Variants in SHE observed in about 807,000 individuals in gnomAD.
SHE encodes the protein Src homology 2 domain containing E, also known as SH2 domain-containing adapter protein E.
In SHE, 11 loss-of-function variants were observed where a neutral mutation model predicts 49.8. The observed-to-expected ratio is 0.22, with a 90% CI of 0.14 to 0.37. The LOEUF (loss-of-function observed/expected upper bound fraction) is 0.37. Ranked by LOEUF, SHE falls within the 10% of genes least tolerant of loss-of-function variation. The probability of loss-of-function intolerance (pLI) is 1.00; values close to 1 mark genes in which losing one functional copy is unlikely to be tolerated. For missense variants in SHE, 624 were observed against 655.5 expected, an observed-to-expected ratio of 0.95 and a Z score of 0.52; for synonymous variants, 310 against 278.1, an observed-to-expected ratio of 1.11 and a Z score of -1.14.
Position 154,482,235 on chromosome 1 carries a change from A to G in SHE, c.*1914T>C, listed in dbSNP as rs1042394581. 8 of 777,612 alleles carry G rather than the reference A, an allele frequency of 1.0e-5. No individual in the cohort carries two copies. Among genetic ancestry groups the G allele is most frequent in the Non-Finnish European group, 1.2e-5 (8 of 640,488 alleles). 48.2% of individuals were successfully genotyped at this position (777,612 alleles called of 1,614,324 possible). A position where few individuals can be genotyped will look rare whatever the true frequency, so the allele number is the denominator to read the frequency against. On this transcript the variant is annotated 3_prime_UTR_variant, in exon 6 of 6. Transcript: ENST00000304760. Reference sequence around the variant, plus strand: ...CACCATGTTGGCCAGGCTGGTCTCAAACTCCTGACCTCACGTGATCTGCCT... The same window carrying G: ...CACCATGTTGGCCAGGCTGGTCTCAGACTCCTGACCTCACGTGATCTGCCT...
rs778804165 is a variant in SHE, at chr1:154,479,917, TC to T, written c.*4231del. Reference sequence around the variant, plus strand: ...GATGGCAACTGCTGTGTCATCATTTTCCCTTTTCTGGACTGTATCAGAAATC... The same window carrying T: ...GATGGCAACTGCTGTGTCATCATTTTCCTTTTCTGGACTGTATCAGAAATC... On this transcript the variant is annotated 3_prime_UTR_variant, in exon 6 of 6. Transcript: ENST00000304760. The T allele has an allele frequency of 8.1e-4, 794 of 985,328 alleles. 1 individual carries two copies. Among genetic ancestry groups the T allele is most frequent in the Non-Finnish European group, 9.3e-4 (769 of 829,940 alleles). 61.0% of individuals were successfully genotyped at this position (985,328 alleles called of 1,614,324 possible).
chr1:154,491,355 G>A (rs1257202211), intron 2 of SHE, among the ~76,000 whole-genome samples: 1 of 152,138 alleles, frequency 6.6e-6, no homozygotes, highest in Non-Finnish European at 1.5e-5. Context: ...CCAATTCTTT[G>A]CTCTGACCAA....
chr1:154,485,546 C>A (rs934628528), intron 5 of SHE: 2 of 156,386 alleles, frequency 1.3e-5, no homozygotes, highest in Admixed American at 1.2e-4. Flanking sequence ...GGCATTTTGA[C>A]AATCAGGGGG....
downstream of SHE, among the ~76,000 whole-genome samples, chr1:154,477,527 T>A (rs1691906522): frequency 6.6e-6 from 1 of 152,180 alleles, no homozygotes; most frequent in African/African-American, 2.4e-5. Context: ...TTTCTAAGTG[T>A]GCAGTTCAGC....
rs988110891 is a variant in SHE, at chr1:154,484,090, T to C, written c.*59A>G. 6.4e-7 allele frequency: 1 copy of C among 1,573,906 alleles called. No individual in the cohort carries two copies. Among genetic ancestry groups the C allele is most frequent in the East Asian group, 2.3e-5 (1 of 44,240 alleles). On this transcript the variant is annotated 3_prime_UTR_variant, in exon 6 of 6. Transcript: ENST00000304760. ...CCAGCCTTGTCCTCTGAGATGCTGG[T>C]TGTGCGCTGATGATGCCCTTGAAGG...
intron 1 of SHE, 112 bp downstream of exon 1, chr1:154,501,324 C>T: frequency 1.0e-6 from 1 of 963,696 alleles, no homozygotes; most frequent in South Asian, 1.6e-5. Flanking sequence ...GGAGAAAGGA[C>T]CTTAGGAAAC....
Position 154,483,637 on chromosome 1 carries a change from G to T in SHE, c.*512C>A. The T allele has an allele frequency of 1.0e-6, 1 of 986,096 alleles. No individual in the cohort carries two copies. The highest frequency in any genetic ancestry group is 1.2e-6 in the Non-Finnish European group (1 of 830,490). The allele number at this position is 986,096 out of a possible 1,614,324, so 61.1% of individuals were successfully genotyped here. On this transcript the variant is annotated 3_prime_UTR_variant, in exon 6 of 6. Coordinates refer to ENST00000304760, the MANE Select transcript of SHE (RefSeq NM_001010846.3). ...AGCTAAATCATGATTTCTTATTGTA[G>T]AACTACTTAGCAAGGAAACAAGGGA...
Position 154,479,583 on chromosome 1 carries a change from T to C in SHE, c.*4566A>G. 2.0e-6 allele frequency: 2 copies of C among 977,154 alleles called. No individual in the cohort carries two copies. Among genetic ancestry groups the C allele is most frequent in the Non-Finnish European group, 2.4e-6 (2 of 822,418 alleles). The allele number at this position is 977,154 out of a possible 1,614,324, so 60.5% of individuals were successfully genotyped here. A position where few individuals can be genotyped will look rare whatever the true frequency, so the allele number is the denominator to read the frequency against. On this transcript the variant is annotated 3_prime_UTR_variant, in exon 6 of 6. Transcript: ENST00000304760. ...TACTGCAAAACAACCAGAAGTTTTA[T>C]AAAATATTTCTGATTTAAATTACTA... is the stretch of plus-strand genomic sequence containing the variant.
rs929855697 is a variant in SHE at position 154,502,267 on chromosome 1, C to T, written c.-241G>A. ...AGGACACCGTGGCTCTCGGAGGCGG[C>T]GGGCGCCGGGGGCTTCCCCCTGCTC... is the stretch of plus-strand genomic sequence containing the variant. On this transcript the variant is annotated 5_prime_UTR_variant, in exon 1 of 6. Coordinates refer to ENST00000304760, the MANE Select transcript of SHE (RefSeq NM_001010846.3). 3.1e-5 allele frequency: 7 copies of T among 223,708 alleles called. No individual in the cohort carries two copies. The highest frequency in any genetic ancestry group is 1.4e-4 in the African/African-American group (6 of 43,640). 13.9% of individuals were successfully genotyped at this position (223,708 alleles called of 1,614,324 possible). A position where few individuals can be genotyped will look rare whatever the true frequency, so the allele number is the denominator to read the frequency against.
intron 1 of SHE, 99 bp downstream of exon 1, chr1:154,501,337 A>ATCC (rs1293940290): frequency 2.7e-6 from 3 of 1,121,896 alleles, no homozygotes; most frequent in Non-Finnish European, 3.9e-6. Flanking sequence ...TAGGAAACCT[A>ATCC]TCCTCACTGC....
chr1:154,501,891 G>C lies in SHE; in HGVS notation c.136C>G (p.Pro46Ala). The C allele has an allele frequency of 6.5e-7, 1 of 1,527,346 alleles. No homozygotes were observed. Among genetic ancestry groups the C allele is most frequent in the Non-Finnish European group, 8.7e-7 (1 of 1,144,482 alleles). The allele number at this position is 1,527,346 out of a possible 1,614,324, so 94.6% of individuals were successfully genotyped here. The change falls in exon 1 of 6, where the codon CCC (proline) becomes GCC (alanine). Residue 46 changes from proline to alanine, a missense_variant. Physicochemically the swap from Pro to Ala is conservative, Grantham distance 27. Around this residue, in one of 4 missense-constraint regions of SHE, gnomAD observed 337 missense variants for 306.0 expected, o/e 1.10. Transcript: ENST00000304760. ...LMAAKWFKEF[P>A]LNLKTVSERA... ...TCCGACACGGTCTTCAGGTTCAGGGGGAACTCCTTGAACCACTTGGCCGCC... is the reference window on the plus strand; with the variant it reads ...TCCGACACGGTCTTCAGGTTCAGGGCGAACTCCTTGAACCACTTGGCCGCC...
At chr1:154,493,825 C>T (rs59838898) in intron 2 of SHE, among the ~76,000 whole-genome samples, 29,022 of 152,126 alleles carry the variant, frequency 0.19, 3,033 homozygotes, top group South Asian at 0.23. Context: ...CACGGCTGTA[C>T]TGACTAGGTA....
At chr1:154,492,396 C>T (rs1021745441) in intron 2 of SHE, among the ~76,000 whole-genome samples, 1 of 152,174 alleles carries the variant, frequency 6.6e-6, no homozygotes, top group African/African-American at 2.4e-5. Flanking sequence ...ATCTTGGTTC[C>T]TCATTCTCCG....
chr1:154,471,934 AG>A (rs1405446938), intron 1 of SHE, among the ~76,000 whole-genome samples: 1 of 152,210 alleles, frequency 6.6e-6, no homozygotes, highest in African/African-American at 2.4e-5. Flanking sequence ...GCACTTTGGG[AG>A]GCCAAGGCGG....
chr1:154,501,570 G>C lies in SHE; in HGVS notation c.457C>G (p.Gln153Glu). ...YINRLIKVDT[Q>E]EKNGKSNYPS... ...TAGTTGCTCTTCCCGTTCTTCTCCT[G>C]AGTGTCCACCTTGATGAGCCTGTTG... Residue 153 changes from glutamine (Q) to glutamate (E), a missense_variant, in exon 1 of 6, where the codon CAG (glutamine) becomes GAG (glutamate). Physicochemically the swap from Gln to Glu is conservative, Grantham distance 29. This residue lies in a region of SHE where 337 missense variants were observed against 306.0 expected (regional missense o/e 1.10). Coordinates refer to ENST00000304760, the MANE Select transcript of SHE (RefSeq NM_001010846.3). The C allele has an allele frequency of 6.2e-7, 1 of 1,614,112 alleles. No individual in the cohort carries two copies.
rs1692797166 is a variant in SHE at position 154,502,031 on chromosome 1, C to T, written c.-5G>A. 3 of 1,321,708 alleles carry T rather than the reference C, an allele frequency of 2.3e-6. No homozygotes were observed. The highest frequency in any genetic ancestry group is 9.6e-7 in the Non-Finnish European group (1 of 1,041,610). 81.9% of individuals were successfully genotyped at this position (1,321,708 alleles called of 1,614,324 possible). The stretch of plus-strand genomic sequence containing the variant: ...AGGGGTCGGGGACCACTGCATTCCC[C>T]GTGACTGGGGCGCTGGAGGCCGCGG... On this transcript the variant is annotated 5_prime_UTR_variant, in exon 1 of 6. Coordinates refer to ENST00000304760, the MANE Select transcript of SHE (RefSeq NM_001010846.3).
chr1:154,476,339 T>G (rs1347071017), downstream of SHE, among the ~76,000 whole-genome samples: 1 of 151,984 alleles, frequency 6.6e-6, no homozygotes, highest in African/African-American at 2.4e-5. Context: ...GAGAAGACCC[T>G]GTCTCAAAAA....
Position 154,483,040 on chromosome 1 carries a change from T to A in SHE, c.*1109A>T, listed in dbSNP as rs1251535967. On this transcript the variant is annotated 3_prime_UTR_variant, in exon 6 of 6. Transcript: ENST00000304760. ...TGTAATTAATTCAGTAAAAAAACAG[T>A]TGTGGAGCTTTGCAAATTTCCAGAA... 1 of 984,666 alleles carries A rather than the reference T, an allele frequency of 1.0e-6. No individual in the cohort carries two copies. Among genetic ancestry groups the A allele is most frequent in the Non-Finnish European group, 1.2e-6 (1 of 829,420 alleles). 61.0% of individuals were successfully genotyped at this position (984,666 alleles called of 1,614,324 possible).
Position 154,483,837 on chromosome 1 carries a change from CA to C in SHE, c.*311del, listed in dbSNP as rs5777915. On this transcript the variant is annotated 3_prime_UTR_variant, in exon 6 of 6. Coordinates refer to ENST00000304760, the MANE Select transcript of SHE (RefSeq NM_001010846.3). ...CGAAACCCCATCTCTACTAAAAATA[CA>C]AAAAAAAAAATTAGCTGGGAGTGGT... 564,421 of 604,718 alleles carry C rather than the reference CA, an allele frequency of 0.93. 264,380 individuals carry two copies. The highest frequency in any genetic ancestry group is 0.96 in the Admixed American group (17,266 of 18,048). The allele number at this position is 604,718 out of a possible 1,614,324, so 37.5% of individuals were successfully genotyped here.
Sources: gnomAD v4.1 joint callset for allele counts (sites outside exome capture counted in the v4.1 genomes callset) on GRCh38, gnomAD v4.1.1 for gene constraint, gnomAD v4.1.1 regional missense constraint, MANE v1.5 for transcripts, NCBI Gene and HGNC (gene_info 2026-07-23, HGNC 2026-07-21) for gene names.